IGFN1: variants seen among roughly 807,000 people sequenced by gnomAD.
IGFN1 encodes the protein immunoglobulin like and fibronectin type III domain containing 1.
In IGFN1, 253 loss-of-function variants were observed where a neutral mutation model predicts 289.5. The observed-to-expected ratio is 0.87, with a 90% confidence interval of 0.79 to 0.97. The LOEUF is 0.97. Ranked by LOEUF, IGFN1 falls within the 50% of genes least tolerant of loss-of-function variation. IGFN1 has a pLI of 0.00. For synonymous variants in IGFN1, 1,706 were observed against 1,788.5 expected, an observed-to-expected ratio of 0.95 and a Z score of 1.16; for missense variants, 4,470 against 4,686.1, an observed-to-expected ratio of 0.95 and a Z score of 1.35.
intron 13 of IGFN1, 126 bp downstream of exon 13, chr1:201,214,427 C>A: frequency 9.9e-7 from 1 of 1,010,576 alleles, no homozygotes; most frequent in Non-Finnish European, 1.4e-6. Flanking sequence ...GTATCCACCT[C>A]AGGAGAAGTT....
chr1:201,226,834 C>A (rs774838545), intron 22 of IGFN1, 48 bp from the exon 23 acceptor site: 11 of 1,427,030 alleles, frequency 7.7e-6, no homozygotes, highest in African/African-American at 1.4e-5. Flanking sequence ...CTCAGCCAGG[C>A]CTTCCTCGCT....
chr1:201,227,574 T>A (rs1654192941), intron 23 of IGFN1, among the ~76,000 whole-genome samples: 1 of 151,900 alleles, frequency 6.6e-6, no homozygotes, highest in Non-Finnish European at 1.5e-5. Flanking sequence ...ATTACAGGCA[T>A]CCGCCACCAC....
In IGFN1 at chr1:201,211,882, G is replaced by T. The variant is rs1383527687; in HGVS notation, c.6989G>T (p.Ser2330Ile). 1 of 1,531,652 alleles carries T rather than the reference G, an allele frequency of 6.5e-7. No homozygotes were observed. The highest frequency in any genetic ancestry group is 1.4e-5 in the African/African-American group (1 of 72,748). The allele number at this position is 1,531,652 out of a possible 1,614,324, so 94.9% of individuals were successfully genotyped here. Residue 2330 changes from serine (S) to isoleucine (I), a missense_variant, in exon 12 of 24, where the codon AGT (serine) becomes ATT (isoleucine). Ser to Ile is a moderately radical substitution (Grantham distance 142). Transcript: ENST00000335211. Reference protein sequence around the residue: ...AGSRQGFGGTSGMGSGSEVSY... With the variant: ...AGSRQGFGGTIGMGSGSEVSY... The stretch of plus-strand genomic sequence containing the variant: ...TCTAGGCAAGGCTTTGGGGGAACTA[G>T]TGGCATGGGGTCAGGGAGTGAGGTC...
rs1336344875 is a variant in IGFN1, at chr1:201,227,086, A to T, written c.10991A>T (p.Asp3664Val). The T allele has an allele frequency of 1.2e-6, 2 of 1,613,638 alleles. No homozygotes were observed. Among genetic ancestry groups the T allele is most frequent in the Non-Finnish European group, 1.7e-6 (2 of 1,180,040 alleles). ...GGAAACCCCGCGGTGTACAGCACTGACCTGCTGGGCGTGTGCTCCCTCACC... is the reference window on the plus strand; with the variant it reads ...GGAAACCCCGCGGTGTACAGCACTGTCCTGCTGGGCGTGTGCTCCCTCACC... ...LEGNPAVYST[D>V]LLGVCSLTIP... The change falls in exon 23 of 24, where the codon GAC becomes GTC. Residue 3664 changes from aspartate (D) to valine (V), a missense_variant. This residue lies in a region of IGFN1 where 2,218 missense variants were observed against 2,114.1 expected (regional missense o/e 1.05). Coordinates refer to ENST00000335211, the MANE Select transcript of IGFN1 (RefSeq NM_001164586.2).
At chr1:201,204,198 C>G (rs192513953) in intron 10 of IGFN1, among the ~76,000 whole-genome samples, 18 of 152,332 alleles carry the variant, frequency 1.2e-4, no homozygotes, top group Admixed American at 1.1e-3. Flanking sequence ...CAATTATTTT[C>G]AGATCAGATC....
rs1359846548 is a variant in IGFN1 at position 201,199,372 on chromosome 1, CAGGAAGGT to C, written c.410_412+5del. 3.2e-6 allele frequency: 5 copies of C among 1,551,962 alleles called. No individual in the cohort carries two copies. The South Asian group carries it at 5.9e-5, about 18-fold the overall frequency. ...GAATCGGAAGAGGCACAGGGAACCG[CAGGAAGGT>C]AGGCAGATTTGTCAGAAACCTCCTT... On this transcript the variant is annotated splice_donor_variant and coding_sequence_variant, in exon 6 of 24. Transcript: ENST00000335211. LOFTEE classifies it high-confidence loss of function.
Position 201,211,983 on chromosome 1 carries a change from A to C in IGFN1, c.7090A>C (p.Arg2364=). Residue 2364 remains arginine, a synonymous_variant, in exon 12 of 24, where the codon AGG becomes CGG. Transcript: ENST00000335211. ...GKMGYGDGSG[R]LGVPGSLAGI... ...GATGGGTTATGGAGATGGTTCAGGGAGGCTTGGAGTACCAGGCTCACTGGC... is the reference window on the plus strand; with the variant it reads ...GATGGGTTATGGAGATGGTTCAGGGCGGCTTGGAGTACCAGGCTCACTGGC... 6.5e-7 allele frequency: 1 copy of C among 1,535,398 alleles called. No individual in the cohort carries two copies. Among genetic ancestry groups the C allele is most frequent in the Non-Finnish European group, 8.7e-7 (1 of 1,146,212 alleles).
intron 11 of IGFN1, among the ~76,000 whole-genome samples, 184 bp from the exon 12 acceptor site, chr1:201,205,899 C>T (rs1257232108): frequency 1.3e-5 from 2 of 152,214 alleles, no homozygotes; most frequent in Non-Finnish European, 2.9e-5. Context: ...TTCACCCATC[C>T]ATCCCTGGAA....
At chr1:201,197,196 T>G (rs1461364369) in intron 4 of IGFN1, 22 bp from the exon 5 acceptor site, 20 of 1,488,458 alleles carry the variant, frequency 1.3e-5, no homozygotes, top group Non-Finnish European at 3.7e-6. Flanking sequence ...GCCCTGTTCC[T>G]CTGCCCTTGG....
rs149553166 is a variant in IGFN1, at chr1:201,217,365, G to A, written c.9674G>A (p.Arg3225Gln). Residue 3225 changes from arginine (R) to glutamine (Q), a missense_variant, in exon 17 of 24, where the codon CGG (arginine) becomes CAG (glutamine). Arg to Gln is a conservative substitution (Grantham distance 43). Around this residue, in one of 8 missense-constraint regions of IGFN1, gnomAD observed 2,218 missense variants for 2,114.1 expected, o/e 1.05. Transcript: ENST00000335211. ...ATCACACTGACATGGACAGCACCTCGGGGCCCCGGCAGCGCCCACATCCTG... is the reference window on the plus strand; with the variant it reads ...ATCACACTGACATGGACAGCACCTCAGGGCCCCGGCAGCGCCCACATCCTG... Reference protein sequence around the residue: ...QGITLTWTAPRGPGSAHILGY... With the variant: ...QGITLTWTAPQGPGSAHILGY... 225 of 1,614,126 alleles carry A rather than the reference G, an allele frequency of 1.4e-4. No individual in the cohort carries two copies. In the African/African-American group the frequency reaches 2.5e-3, roughly 18 times the overall value.
intron 17 of IGFN1, 107 bp downstream of exon 17, chr1:201,217,567 T>A (rs897867154): frequency 8.4e-7 from 1 of 1,184,372 alleles, no homozygotes; most frequent in Non-Finnish European, 1.2e-6. Context: ...TCGTCTAGGG[T>A]GGTTTGGCAA....
intron 20 of IGFN1, chr1:201,223,131 C>G (rs1217262310): frequency 4.2e-6 from 1 of 237,094 alleles, no homozygotes; most frequent in East Asian, 8.8e-5. Flanking sequence ...CTCCACCTCT[C>G]CTAGTCTGGG....
In IGFN1 at chr1:201,222,791, G is replaced by A. The variant is rs760482302; in HGVS notation, c.10254G>A (p.Lys3418=). The A allele has an allele frequency of 1.9e-6, 3 of 1,613,482 alleles. No individual in the cohort carries two copies. Among genetic ancestry groups the A allele is most frequent in the Admixed American group, 3.3e-5 (2 of 59,958 alleles). ...GCACCAAGGACTTGCTGACAGTCAAGGTCGGGGACACAGTTCGTGTGCCCG... is the reference window on the plus strand; with the variant it reads ...GCACCAAGGACTTGCTGACAGTCAAAGTCGGGGACACAGTTCGTGTGCCCG... ...DSSTKDLLTV[K]VGDTVRVPVS... Residue 3418 remains lysine, a synonymous_variant, in exon 20 of 24, where the codon AAG becomes AAA. Coordinates refer to ENST00000335211, the MANE Select transcript of IGFN1 (RefSeq NM_001164586.2).
At chr1:201,200,788 A>G (rs1334685378) in intron 8 of IGFN1, among the ~76,000 whole-genome samples, 1 of 149,228 alleles carries the variant, frequency 6.7e-6, no homozygotes, top group Non-Finnish European at 1.5e-5. Flanking sequence ...TATCATTATC[A>G]TTGTCACCAG....
intron 1 of IGFN1, among the ~76,000 whole-genome samples, chr1:201,191,688 C>T (rs1206746296): frequency 1.3e-5 from 2 of 152,166 alleles, no homozygotes; most frequent in Non-Finnish European, 2.9e-5. Flanking sequence ...GAGAGTGGAG[C>T]TCCAGAAGTG....
rs1667592517 is a variant in IGFN1 at position 201,209,284 on chromosome 1, T to G, written c.4391T>G (p.Leu1464Trp). The G allele has an allele frequency of 6.7e-7, 1 of 1,484,088 alleles. No individual in the cohort carries two copies. The highest frequency in any genetic ancestry group is 1.4e-5 in the African/African-American group (1 of 69,926). The allele number at this position is 1,484,088 out of a possible 1,614,324, so 91.9% of individuals were successfully genotyped here. A position where few individuals can be genotyped will look rare whatever the true frequency, so the allele number is the denominator to read the frequency against. The part of the protein sequence containing the change: ...SMDEAGYRKN[L>W]GAPERMDSGS... ...GATGAGGCAGGTTATAGGAAAAATTTGGGAGCTCCTGAGAGAATGGATTCA... is the reference window on the plus strand; with the variant it reads ...GATGAGGCAGGTTATAGGAAAAATTGGGGAGCTCCTGAGAGAATGGATTCA... Residue 1464 changes from leucine (L) to tryptophan (W), a missense_variant, in exon 12 of 24, where the codon TTG becomes TGG. Coordinates refer to ENST00000335211, the MANE Select transcript of IGFN1 (RefSeq NM_001164586.2).
chr1:201,215,727 T>C lies in IGFN1; in HGVS notation c.9184T>C (p.Tyr3062His), dbSNP rs1328726990. 2 of 1,612,230 alleles carry C rather than the reference T, an allele frequency of 1.2e-6. No individual in the cohort carries two copies. Among genetic ancestry groups the C allele is most frequent in the South Asian group, 2.2e-5 (2 of 90,780 alleles). ...GGCCCAGGTGGACCTGGGGGATGGC[T>C]ACACGCGGCTGTGCCTCCCCAGCGC... is the stretch of plus-strand genomic sequence containing the variant. ...REAQVDLGDG[Y>H]TRLCLPSAGR... Residue 3062 changes from tyrosine (Y) to histidine (H), a missense_variant, in exon 15 of 24, where the codon TAC becomes CAC. Tyr to His is a moderately conservative substitution (Grantham distance 83, BLOSUM62 2). Transcript: ENST00000335211.
rs1046291320 is a variant in IGFN1, at chr1:201,213,233, C to G, written c.8340C>G (p.Ser2780=). 1.4e-5 allele frequency: 22 copies of G among 1,551,518 alleles called. No individual in the cohort carries two copies. The highest frequency in any genetic ancestry group is 1.8e-5 in the Non-Finnish European group (21 of 1,146,980). The part of the protein sequence containing the change: ...GGKRSLGEQG[S]LEAENGEVQG... ...AGAGGTCCCTCGGGGAGCAGGGGTCCCTGGAGGCTGAGAATGGTGAGGTCC... is the reference window on the plus strand; with the variant it reads ...AGAGGTCCCTCGGGGAGCAGGGGTCGCTGGAGGCTGAGAATGGTGAGGTCC... The change falls in exon 12 of 24, where the codon TCC becomes TCG. Residue 2780 remains serine, a synonymous_variant. Coordinates refer to ENST00000335211, the MANE Select transcript of IGFN1 (RefSeq NM_001164586.2).
In IGFN1 at chr1:201,211,820, G is replaced by A; in HGVS notation, c.6927G>A (p.Glu2309=). The A allele has an allele frequency of 6.5e-7, 1 of 1,536,750 alleles. No homozygotes were observed. The highest frequency in any genetic ancestry group is 1.2e-5 in the South Asian group (1 of 84,030). Residue 2309 remains glutamate, a synonymous_variant, in exon 12 of 24, where the codon GAG becomes GAA. Coordinates refer to ENST00000335211, the MANE Select transcript of IGFN1 (RefSeq NM_001164586.2). ...AGGCAGGTTCTAGGGGTAGTTTGGAGGATTCTGGGTACATTTTGTCATGGA... is the reference window on the plus strand; with the variant it reads ...AGGCAGGTTCTAGGGGTAGTTTGGAAGATTCTGGGTACATTTTGTCATGGA... The part of the protein sequence containing the change: ...GSEAGSRGSL[E]DSGYILSWNE...
Sources: allele counts gnomAD v4.1 joint callset (sites outside exome capture counted in the v4.1 genomes callset), GRCh38; gene constraint gnomAD v4.1.1; regional missense constraint gnomAD v4.1.1; transcripts MANE v1.5; gene names NCBI Gene and HGNC (gene_info 2026-07-23, HGNC 2026-07-21).